ADAMTSL1: variants seen among roughly 807,000 people sequenced by gnomAD.
ADAMTSL1 encodes the protein ADAMTS like 1.
A neutral mutation model predicts 201.8 loss-of-function variants in ADAMTSL1; 126 were observed. That is an observed-to-expected ratio of 0.62 (90% CI 0.54 to 0.72). The LOEUF (loss-of-function observed/expected upper bound fraction) is 0.72, where lower values mean the gene tolerates loss of function less well. Ranked by LOEUF, ADAMTSL1 falls within the 30% of genes least tolerant of loss-of-function variation. The pLI, the probability that ADAMTSL1 is intolerant of heterozygous loss-of-function variation, is 0.00. For missense variants in ADAMTSL1, 2,679 were observed against 2,277.8 expected (o/e 1.18, Z -3.59); for synonymous variants, 1,121 against 903.4 (o/e 1.24, Z -4.32).
chr9:18,858,301 C>CA (rs1826995441), intron 23 of ADAMTSL1, among the ~76,000 whole-genome samples: 1 of 152,150 alleles, frequency 6.6e-6, no homozygotes, highest in African/African-American at 2.4e-5. Flanking sequence ...CCCCCACCCC[C>CA]ACACAGATGC....
intron 9 of ADAMTSL1, among the ~76,000 whole-genome samples, chr9:18,669,090 G>C (rs1373515919): frequency 6.6e-6 from 1 of 152,196 alleles, no homozygotes; most frequent in Non-Finnish European, 1.5e-5. Flanking sequence ...CAACCTATGA[G>C]ATCTGGTTCC....
At chr9:18,789,193 G>A (rs1036853695) in intron 19 of ADAMTSL1, among the ~76,000 whole-genome samples, 3 of 152,142 alleles carry the variant, frequency 2.0e-5, no homozygotes, top group African/African-American at 4.8e-5. Flanking sequence ...TGATCATGGC[G>A]ATGTTAACAA....
intron 1 of ADAMTSL1, among the ~76,000 whole-genome samples, chr9:18,112,645 A>G (rs112708237): frequency 1.6e-4 from 24 of 152,236 alleles, no homozygotes; most frequent in African/African-American, 5.5e-4. Context: ...CAATATAGTG[A>G]TGAGCTGTAA....
chr9:18,810,211 T>A (rs535067580), intron 20 of ADAMTSL1, among the ~76,000 whole-genome samples: 1 of 152,302 alleles, frequency 6.6e-6, no homozygotes, highest in African/African-American at 2.4e-5. Context: ...TAATCTCAAA[T>A]GTATGGAATA....
At chr9:18,821,477 C>T (rs892056622) in intron 21 of ADAMTSL1, among the ~76,000 whole-genome samples, 6 of 152,164 alleles carry the variant, frequency 3.9e-5, no homozygotes, top group Admixed American at 1.3e-4. Context: ...AAGGAGCATA[C>T]ATTAAGACTT....
intron 15 of ADAMTSL1, among the ~76,000 whole-genome samples, chr9:18,728,462 A>G (rs1013923248): frequency 7.3e-5 from 11 of 151,270 alleles, no homozygotes; most frequent in South Asian, 4.2e-4. Flanking sequence ...CAATTCAGAG[A>G]AAAAAAAAAC....
intron 6 of ADAMTSL1, among the ~76,000 whole-genome samples, chr9:18,636,391 T>C (rs1827115746): frequency 1.3e-5 from 2 of 152,188 alleles, no homozygotes; most frequent in African/African-American, 4.8e-5. Flanking sequence ...TCTCTTTTCT[T>C]CCTTTATTCT....
At chr9:18,305,016 T>C (rs1833855759) in intron 2 of ADAMTSL1, among the ~76,000 whole-genome samples, 1 of 152,092 alleles carries the variant, frequency 6.6e-6, no homozygotes, top group East Asian at 1.9e-4. Context: ...CAGGTGCATC[T>C]CATTGGGCCT....
At chr9:18,712,913 C>T (rs1832701491) in intron 14 of ADAMTSL1, among the ~76,000 whole-genome samples, 1 of 147,826 alleles carries the variant, frequency 6.8e-6, no homozygotes, top group Non-Finnish European at 1.5e-5. Flanking sequence ...GGCAGAAACC[C>T]TACAAGCCAG....
intron 10 of ADAMTSL1, among the ~76,000 whole-genome samples, chr9:18,676,556 C>T (rs1009986812): frequency 4.6e-5 from 7 of 151,782 alleles, no homozygotes; most frequent in African/African-American, 1.7e-4. Flanking sequence ...GAAAGTGTTC[C>T]CTTTATAATA....
chr9:17,978,564 C>CCCT (rs1166358947), intron 1 of ADAMTSL1, among the ~76,000 whole-genome samples: 1 of 151,580 alleles, frequency 6.6e-6, no homozygotes, highest in East Asian at 1.9e-4. Flanking sequence ...TATGAAAACA[C>CCCT]TATACTTTTT....
chr9:18,574,844 C>T (rs1822607335), intron 4 of ADAMTSL1, among the ~76,000 whole-genome samples: 1 of 152,072 alleles, frequency 6.6e-6, no homozygotes, highest in Non-Finnish European at 1.5e-5. Context: ...TTCTGGTATC[C>T]ATCCATTCAT....
intron 1 of ADAMTSL1, among the ~76,000 whole-genome samples, chr9:18,006,041 C>G (rs916480194): frequency 5.3e-5 from 8 of 151,640 alleles, no homozygotes; most frequent in African/African-American, 1.9e-4. Flanking sequence ...CATATATATT[C>G]GGTGACTGCA....
chr9:18,722,105 A>C (rs1833425070), intron 15 of ADAMTSL1, among the ~76,000 whole-genome samples: 2 of 152,090 alleles, frequency 1.3e-5, no homozygotes, highest in Admixed American at 1.3e-4. Context: ...ATCTATATGC[A>C]CACAGCATGC....
At chr9:18,310,399 A>AAAAAAAAAAAAAAAAAAAAAAAAC (rs1440483712) in intron 2 of ADAMTSL1, among the ~76,000 whole-genome samples, 13 of 127,406 alleles carry the variant, frequency 1.0e-4, no homozygotes, top group Non-Finnish European at 2.2e-4. Context: ...AAAAAAAAAA[A>AAAAAAAAAAAAAAAAAAAAAAAAC]CTATCTTCAG....
chr9:18,040,455 T>G (rs1410371164), intron 1 of ADAMTSL1, among the ~76,000 whole-genome samples: 2 of 152,118 alleles, frequency 1.3e-5, no homozygotes, highest in Admixed American at 1.3e-4. Flanking sequence ...GCATGCAAGG[T>G]GCATAAAACC....
chr9:18,815,711 C>CAAAAAAAAAAAAA (rs35926602), intron 20 of ADAMTSL1, among the ~76,000 whole-genome samples: 46 of 67,918 alleles, frequency 6.8e-4, no homozygotes, highest in South Asian at 1.1e-3. Context: ...AACCCTGTCT[C>CAAAAAAAAAAAAA]AAAAAAAAAA....
Position 18,339,940 on chromosome 9 carries a change from A to G in ADAMTSL1, c.208-164889A>G, listed in dbSNP as rs191608015. Among the ~76,000 whole-genome samples the G allele has an allele frequency of 1.5e-3, 233 of 152,264 alleles. 1 individual carries two copies. Among genetic ancestry groups the G allele is most frequent in the Admixed American group, 0.013 (203 of 15,296 alleles). On this transcript the variant is annotated intron_variant, in intron 2 of 29. Transcript: ENST00000680146. ...GAGTTGTCTTCACCTCCTATCAACC[A>G]TTGATCCTTTGCAAACTGGATTTTC...
At chr9:18,436,848 T>C (rs760205894) in intron 2 of ADAMTSL1, among the ~76,000 whole-genome samples, 3 of 152,188 alleles carry the variant, frequency 2.0e-5, no homozygotes, top group Non-Finnish European at 2.9e-5. Context: ...GAGAGCTTCC[T>C]GCAAAAATGT....
Sources: allele counts gnomAD v4.1 joint callset (sites outside exome capture counted in the v4.1 genomes callset), GRCh38; gene constraint gnomAD v4.1.1; transcripts MANE v1.5; gene names NCBI Gene and HGNC (gene_info 2026-07-23, HGNC 2026-07-21).